The following SMYD3 variants were observed in gnomAD, a reference collection of about 807,000 sequenced individuals.
SMYD3 encodes SET and MYND domain containing 3.
Under a neutral mutation model 57.7 loss-of-function variants are expected in SMYD3, and 36 were observed. The observed-to-expected ratio is 0.62, with a 90% CI of 0.48 to 0.82. The LOEUF (loss-of-function observed/expected upper bound fraction) is 0.82, where lower values mean the gene tolerates loss of function less well. Among genes scored for constraint, SMYD3 ranks in the 40% least tolerant of loss-of-function variants. The pLI, the probability that SMYD3 is intolerant of heterozygous loss-of-function variation, is 0.00. For missense variants in SMYD3, 515 were observed against 538.8 expected (o/e 0.96, Z 0.44); for synonymous variants, 211 against 195.0 (o/e 1.08, Z -0.68).
In SMYD3 at chr1:246,278,109, C is replaced by T. The variant is rs1017190867; in HGVS notation, c.531+49092G>A. On this transcript the variant is annotated intron_variant, in intron 5 of 11. Coordinates refer to ENST00000490107, the MANE Select transcript of SMYD3 (RefSeq NM_001167740.2). Reference sequence around the variant, plus strand: ...AGTAAGGAGCTCAGCACAGACCAAACCAACAACTGGGATTTTCAATGCCTC... The same window carrying T: ...AGTAAGGAGCTCAGCACAGACCAAATCAACAACTGGGATTTTCAATGCCTC... Among the ~76,000 whole-genome samples the T allele has an allele frequency of 4.6e-5, 7 of 152,302 alleles. No homozygotes were observed. In the East Asian group the frequency reaches 9.7e-4, roughly 21 times the overall value.
At chr1:246,004,525 C>G (rs12406160) in intron 5 of SMYD3, among the ~76,000 whole-genome samples, 3,060 of 152,336 alleles carry the variant, frequency 0.02, 99 homozygotes, top group South Asian at 0.14. Context: ...CCATGAATGA[C>G]AGCCTCCCGA....
At chr1:245,929,992 A>T in intron 5 of SMYD3, 55 bp from the exon 6 acceptor site, 1 of 1,493,152 alleles carries the variant, frequency 6.7e-7, no homozygotes, top group Non-Finnish European at 9.3e-7. Context: ...GAAACTTCAT[A>T]GCCAAGAGAA....
At position 245,817,263 on chromosome 1, in the gene SMYD3, G is replaced by C. The variant is rs1317049116; in HGVS notation, c.1076+41233C>G. Among the ~76,000 whole-genome samples the C allele has an allele frequency of 1.4e-5, 2 of 144,180 alleles. 1 individual carries two copies. Among genetic ancestry groups the C allele is most frequent in the South Asian group, 4.5e-4 (2 of 4,440 alleles). 94.6% of individuals were successfully genotyped at this position (144,180 alleles called of 152,430 possible). A position where few individuals can be genotyped will look rare whatever the true frequency, so the allele number is the denominator to read the frequency against. On this transcript the variant is annotated intron_variant, in intron 10 of 11. Coordinates refer to ENST00000490107, the MANE Select transcript of SMYD3 (RefSeq NM_001167740.2). ...CCCTGACCCCCGAGCAGCCTAACTG[G>C]GAGGCACCCCCCAGCAGGGGCACAC...
chr1:246,351,743 G>A (rs534579521), intron 2 of SMYD3, among the ~76,000 whole-genome samples: 3 of 152,272 alleles, frequency 2.0e-5, no homozygotes, highest in South Asian at 2.1e-4. Flanking sequence ...AAGTAGAAGC[G>A]GGGGAAGGAA....
chr1:246,436,902 T>TTTC (rs1553348289), intron 1 of SMYD3, among the ~76,000 whole-genome samples: 3 of 125,960 alleles, frequency 2.4e-5, no homozygotes, highest in African/African-American at 1.1e-4. Context: ...GTTTCTTTCT[T>TTTC]TTTTTTTTTT....
intron 5 of SMYD3, among the ~76,000 whole-genome samples, chr1:246,233,164 T>A (rs2063446599): frequency 1.6e-5 from 2 of 126,694 alleles, no homozygotes; most frequent in African/African-American, 2.8e-5. Context: ...CAATTCACAC[T>A]GTGATGAACA....
chr1:246,211,832 T>C (rs2063093335), intron 5 of SMYD3, among the ~76,000 whole-genome samples: 2 of 152,022 alleles, frequency 1.3e-5, no homozygotes, highest in Admixed American at 1.3e-4. Flanking sequence ...TTATTTTTCA[T>C]GTTTATTGAA....
intron 5 of SMYD3, among the ~76,000 whole-genome samples, chr1:246,191,682 G>A (rs748667402): frequency 6.6e-6 from 1 of 152,192 alleles, no homozygotes; most frequent in South Asian, 2.1e-4. Context: ...ATGGGTTCTG[G>A]TACCTGTTCA....
chr1:246,162,091 G>A (rs1311598086), intron 5 of SMYD3, among the ~76,000 whole-genome samples: 1 of 152,202 alleles, frequency 6.6e-6, no homozygotes, highest in African/African-American at 2.4e-5. Context: ...TAGTTTCTTG[G>A]TGAATCTATC....
chr1:245,837,071 C>A (rs1166201372), intron 10 of SMYD3, among the ~76,000 whole-genome samples: 1 of 152,012 alleles, frequency 6.6e-6, no homozygotes, highest in Non-Finnish European at 1.5e-5. Flanking sequence ...TAGTTGGGCG[C>A]AGTGGCAGCA....
At chr1:246,260,022 G>T (rs572279694) in intron 5 of SMYD3, among the ~76,000 whole-genome samples, 1 of 152,136 alleles carries the variant, frequency 6.6e-6, no homozygotes, top group Non-Finnish European at 1.5e-5. Flanking sequence ...AGGGTGACTC[G>T]AACTGCTGAA....
chr1:246,219,101 GA>G (rs1206111833), intron 5 of SMYD3, among the ~76,000 whole-genome samples: 2 of 152,138 alleles, frequency 1.3e-5, no homozygotes, highest in African/African-American at 4.8e-5. Context: ...AGGGGGCAGA[GA>G]AATTCTAGGC....
intron 5 of SMYD3, among the ~76,000 whole-genome samples, chr1:246,194,045 T>G (rs2062788442): frequency 6.6e-6 from 1 of 152,180 alleles, no homozygotes; most frequent in South Asian, 2.1e-4. Context: ...GGTACGCTGT[T>G]TTTATGTACT....
chr1:246,058,167 A>C (rs1430145111), intron 5 of SMYD3, among the ~76,000 whole-genome samples: 1 of 152,230 alleles, frequency 6.6e-6, no homozygotes, highest in African/African-American at 2.4e-5. Context: ...ATCAGTATTC[A>C]TCTGTCCAAA....
chr1:246,326,495 C>T (rs371009090), intron 5 of SMYD3: 11 of 574,102 alleles, frequency 1.9e-5, no homozygotes, highest in Middle Eastern at 3.3e-4. Flanking sequence ...TTCAGGAGGC[C>T]GGGCGTGGCA....
chr1:245,901,099 C>A (rs576841323), intron 8 of SMYD3, among the ~76,000 whole-genome samples: 1 of 152,304 alleles, frequency 6.6e-6, no homozygotes, highest in African/African-American at 2.4e-5. Flanking sequence ...GCAGTGAGAG[C>A]AACTACCTCT....
chr1:245,830,046 G>A (rs556543751), intron 10 of SMYD3, among the ~76,000 whole-genome samples: 1 of 152,248 alleles, frequency 6.6e-6, no homozygotes, highest in South Asian at 2.1e-4. Flanking sequence ...GGTGATGATT[G>A]CAGAACTCTG....
At chr1:246,044,363 G>A (rs983839990) in intron 5 of SMYD3, among the ~76,000 whole-genome samples, 6 of 152,198 alleles carry the variant, frequency 3.9e-5, no homozygotes, top group African/African-American at 1.4e-4. Flanking sequence ...CAGTAAACAT[G>A]AGAACTCCAT....
At chr1:246,016,167 G>T (rs149275102) in intron 5 of SMYD3, among the ~76,000 whole-genome samples, 5,039 of 151,186 alleles carry the variant, frequency 0.033, 285 homozygotes, top group African/African-American at 0.12. Flanking sequence ...CTTGGGAGGC[G>T]GAGGTGGGAG....
Sources: gnomAD v4.1 joint callset for allele counts (sites outside exome capture counted in the v4.1 genomes callset) on GRCh38, gnomAD v4.1.1 for gene constraint, MANE v1.5 for transcripts, NCBI Gene and HGNC (gene_info 2026-07-23, HGNC 2026-07-21) for gene names.